The following BRIP1 variants were observed in gnomAD, a reference collection of about 807,000 sequenced individuals.
The protein encoded by BRIP1 is BRCA1 interacting DNA helicase 1.
In BRIP1, 88 loss-of-function variants were observed where a neutral mutation model predicts 119.7. The ratio of observed to expected loss-of-function variants is 0.74; its 90% CI spans 0.62 to 0.88. The LOEUF (loss-of-function observed/expected upper bound fraction) is 0.88, where lower values mean the gene tolerates loss of function less well. Ranked by LOEUF, BRIP1 falls within the 40% of genes least tolerant of loss-of-function variation. BRIP1 has a pLI of 0.00. For missense variants in BRIP1, 1,259 were observed against 1,455.4 expected (o/e 0.87, Z 2.20); for synonymous variants, 443 against 496.5 (o/e 0.89, Z 1.43).
In BRIP1 at chr17:61,738,741, A is replaced by T. The variant is rs2144639216; in HGVS notation, c.2379+4272T>A. Among the ~76,000 whole-genome samples the T allele has an allele frequency of 6.6e-6, 1 of 152,342 alleles. No individual in the cohort carries two copies. Among genetic ancestry groups the T allele is most frequent in the Non-Finnish European group, 1.5e-5 (1 of 68,032 alleles). ...CAAATGTATATTTTTAATTTTAAGA[A>T]TTTTTGGAAAATAATGAAGAATAAC... On this transcript the variant is annotated intron_variant, in intron 16 of 19. Transcript: ENST00000259008. The surrounding 1 kb of genome is among the most constrained non-coding windows in gnomAD (Gnocchi z 4.2).
chr17:61,763,464 G>T (rs2144869823), intron 14 of BRIP1, among the ~76,000 whole-genome samples: 1 of 152,146 alleles, frequency 6.6e-6, no homozygotes, highest in Admixed American at 6.6e-5. Context: ...TTTCCTTGAT[G>T]ACTTTTTTCC....
chr17:61,819,123 T>C (rs1374939807), intron 6 of BRIP1, among the ~76,000 whole-genome samples: 2 of 150,480 alleles, frequency 1.3e-5, no homozygotes, highest in Non-Finnish European at 1.5e-5. Flanking sequence ...GAGGCAGAAG[T>C]TGCAGCGAGC....
intron 10 of BRIP1, among the ~76,000 whole-genome samples, chr17:61,787,924 G>A (rs992219973): frequency 1.8e-4 from 27 of 152,258 alleles, no homozygotes; most frequent in Non-Finnish European, 3.5e-4. Context: ...GATTACAGGC[G>A]TGAGCCACTG....
In BRIP1 at chr17:61,746,464, T is replaced by C. The variant is rs541188535; in HGVS notation, c.2098-1873A>G. On this transcript the variant is annotated intron_variant, in intron 14 of 19. Coordinates refer to ENST00000259008, the MANE Select transcript of BRIP1 (RefSeq NM_032043.3). The surrounding 1 kb of genome is among the most constrained non-coding windows in gnomAD (Gnocchi z 4.9). ...AAGTGACTCACTTTAAATTTAAGGA[T>C]ACCCATAGGCTGAAAGTGAAGGGAT... 7.2e-5 allele frequency among the ~76,000 whole-genome samples: 11 copies of C among 152,236 alleles called. No individual in the cohort carries two copies. The East Asian group carries it at 1.9e-3, about 27-fold the overall frequency.
At position 61,814,624 on chromosome 17, in the gene BRIP1, G is replaced by A. The variant is rs144739085; in HGVS notation, c.628-5867C>T. ...AAGAAACTCTTATTCACTGCTGATC[G>A]AAGTATAAATTGGCACAACTACTTG... On this transcript the variant is annotated intron_variant, in intron 6 of 19. Transcript: ENST00000259008. This position sits in a 1 kb window ranked among gnomAD's most constrained non-coding sequence, Gnocchi z 4.9. 1.6e-4 allele frequency among the ~76,000 whole-genome samples: 25 copies of A among 152,074 alleles called. No homozygotes were observed. Among genetic ancestry groups the A allele is most frequent in the Non-Finnish European group, 2.7e-4 (18 of 67,916 alleles).
chr17:61,789,931 C>T lies in BRIP1; in HGVS notation c.1473+3666G>A, dbSNP rs933470629. On this transcript the variant is annotated intron_variant, in intron 10 of 19. Transcript: ENST00000259008. This position sits in a 1 kb window ranked among gnomAD's most constrained non-coding sequence, Gnocchi z 4.8. ...GTATTTTCCAGTTTTTTTCCCTTGACATACATTTTATTTGTACATTTTATA... is the reference window on the plus strand; with the variant it reads ...GTATTTTCCAGTTTTTTTCCCTTGATATACATTTTATTTGTACATTTTATA... 1.3e-5 allele frequency among the ~76,000 whole-genome samples: 2 copies of T among 152,078 alleles called. No homozygotes were observed. Among genetic ancestry groups the T allele is most frequent in the African/African-American group, 4.8e-5 (2 of 41,398 alleles).
chr17:61,723,319 A>G (rs943133741), intron 16 of BRIP1, among the ~76,000 whole-genome samples: 1 of 152,210 alleles, frequency 6.6e-6, no homozygotes, highest in African/African-American at 2.4e-5. Context: ...TTTTACTTTT[A>G]CCTGCTCATC....
rs796823076 is a variant in BRIP1 at position 61,728,325 on chromosome 17, A to AC, written c.2380-12263_2380-12262insG. Among the ~76,000 whole-genome samples, 128 of 151,718 alleles carry AC rather than the reference A, an allele frequency of 8.4e-4. 1 individual carries two copies. The highest frequency in any genetic ancestry group is 2.9e-3 in the African/African-American group (119 of 41,288). On this transcript the variant is annotated intron_variant, in intron 16 of 19. Transcript: ENST00000259008. The stretch of plus-strand genomic sequence containing the variant: ...GATTTCAATAAGTCAAAAAAAAAAA[A>AC]AAAACCCCAGACATTTCTTTTTCCC...
At position 61,861,545 on chromosome 17, in the gene BRIP1, T is replaced by G. The variant is rs1442433909; in HGVS notation, c.-6A>C. On this transcript the variant is annotated 5_prime_UTR_variant, in exon 2 of 20. Transcript: ENST00000259008. The surrounding 1 kb of genome is among the most constrained non-coding windows in gnomAD (Gnocchi z 4.5). ...TCAGACCACATTGAAGACATAGTGC[T>G]TTCCTGTTTATTTCAGATTCCTAAC... 3 of 1,596,674 alleles carry G rather than the reference T, an allele frequency of 1.9e-6. No homozygotes were observed. The highest frequency in any genetic ancestry group is 2.6e-6 in the Non-Finnish European group (3 of 1,164,502).
Position 61,755,893 on chromosome 17 carries a change from C to T in BRIP1, c.2098-11302G>A, listed in dbSNP as rs578027621. Among the ~76,000 whole-genome samples, 11 of 152,226 alleles carry T rather than the reference C, an allele frequency of 7.2e-5. No homozygotes were observed. Among genetic ancestry groups the T allele is most frequent in the African/African-American group, 2.2e-4 (9 of 41,538 alleles). On this transcript the variant is annotated intron_variant, in intron 14 of 19. Transcript: ENST00000259008. This position sits in a 1 kb window ranked among gnomAD's most constrained non-coding sequence, Gnocchi z 4.5. ...AAGTGGTATGTCCTCTGGGTCTATC[C>T]GGATTTTAGTTCGGGCAAAGAGCTA...
In BRIP1 at chr17:61,823,759, C is replaced by T. The variant is rs2078361541; in HGVS notation, c.628-15002G>A. Among the ~76,000 whole-genome samples the T allele has an allele frequency of 4.9e-5, 5 of 101,116 alleles. No homozygotes were observed. The South Asian group carries it at 2.4e-3, about 49-fold the overall frequency. 66.3% of individuals were successfully genotyped at this position (101,116 alleles called of 152,430 possible). A position where few individuals can be genotyped will look rare whatever the true frequency, so the allele number is the denominator to read the frequency against. The stretch of plus-strand genomic sequence containing the variant: ...TCAATGACCCCAAGCACACAATAAA[C>T]ACACACACACACACACACACACACA... On this transcript the variant is annotated intron_variant, in intron 6 of 19. Coordinates refer to ENST00000259008, the MANE Select transcript of BRIP1 (RefSeq NM_032043.3). This position sits in a 1 kb window ranked among gnomAD's most constrained non-coding sequence, Gnocchi z 4.8.
intron 16 of BRIP1, among the ~76,000 whole-genome samples, chr17:61,741,496 G>A (rs2076986087): frequency 6.6e-6 from 1 of 152,194 alleles, no homozygotes; most frequent in African/African-American, 2.4e-5. Flanking sequence ...AGCAGTTATA[G>A]CCTCGTGAAA....
At position 61,753,770 on chromosome 17, in the gene BRIP1, AAAGAACAACAAC is replaced by A. The variant is rs2077165086; in HGVS notation, c.2098-9191_2098-9180del. Among the ~76,000 whole-genome samples, 1 of 150,048 alleles carries A rather than the reference AAAGAACAACAAC, an allele frequency of 6.7e-6. No individual in the cohort carries two copies. The highest frequency in any genetic ancestry group is 2.5e-5 in the African/African-American group (1 of 40,792). On this transcript the variant is annotated intron_variant, in intron 14 of 19. Coordinates refer to ENST00000259008, the MANE Select transcript of BRIP1 (RefSeq NM_032043.3). The surrounding 1 kb of genome is among the most constrained non-coding windows in gnomAD (Gnocchi z 4.6). ...GTATGCACTGCCATGTCTGGCTTGA[AAAGAACAACAAC>A]AACAACAACAACAAAAAACCAGAGA...
intron 14 of BRIP1, among the ~76,000 whole-genome samples, chr17:61,749,784 C>T (rs1013576464): frequency 6.6e-6 from 1 of 152,116 alleles, no homozygotes; most frequent in Non-Finnish European, 1.5e-5. Context: ...CCTAAGTGTT[C>T]TATTTGTTTT....
intron 17 of BRIP1, among the ~76,000 whole-genome samples, chr17:61,694,033 T>C (rs1008147873): frequency 6.6e-6 from 1 of 152,148 alleles, no homozygotes; most frequent in Non-Finnish European, 1.5e-5. Flanking sequence ...TGTATTATTC[T>C]TTTTATAGAT....
intron 7 of BRIP1, 119 bp from the exon 8 acceptor site, chr17:61,801,593 T>A (rs1387063487): frequency 4.2e-6 from 4 of 949,372 alleles, no homozygotes; most frequent in Non-Finnish European, 6.6e-6. Context: ...TTTTACTGGC[T>A]ACGCCACCAC....
rs2076823503 is a variant in BRIP1, at chr17:61,730,040, A to G, written c.2379+12973T>C. On this transcript the variant is annotated intron_variant, in intron 16 of 19. Coordinates refer to ENST00000259008, the MANE Select transcript of BRIP1 (RefSeq NM_032043.3). The surrounding 1 kb of genome is among the most constrained non-coding windows in gnomAD (Gnocchi z 4.3). Reference sequence around the variant, plus strand: ...TAATTTCAAGTCACAAATCTGGTATACTTGATGCAGTAGGAAAATACACTG... The same window carrying G: ...TAATTTCAAGTCACAAATCTGGTATGCTTGATGCAGTAGGAAAATACACTG... Among the ~76,000 whole-genome samples, 1 of 152,218 alleles carries G rather than the reference A, an allele frequency of 6.6e-6. No homozygotes were observed. The highest frequency in any genetic ancestry group is 2.4e-5 in the African/African-American group (1 of 41,468).
intron 17 of BRIP1, among the ~76,000 whole-genome samples, chr17:61,707,692 T>C (rs2061711273): frequency 6.6e-6 from 1 of 152,148 alleles, no homozygotes; most frequent in Admixed American, 6.5e-5. Flanking sequence ...TTTGTTCTTG[T>C]TTCATGGAGG....
rs754852983 is a variant in BRIP1 at position 61,834,716 on chromosome 17, G to C, written c.627+12385C>G. Reference sequence around the variant, plus strand: ...GTTCTCTTGCTGCTCTTGGAACCCTGAGGCCACCATATACATAAACCAGAA... The same window carrying C: ...GTTCTCTTGCTGCTCTTGGAACCCTCAGGCCACCATATACATAAACCAGAA... On this transcript the variant is annotated intron_variant, in intron 6 of 19. Transcript: ENST00000259008. The surrounding 1 kb of genome is among the most constrained non-coding windows in gnomAD (Gnocchi z 4.4). 7.1e-4 allele frequency among the ~76,000 whole-genome samples: 108 copies of C among 152,086 alleles called. No individual in the cohort carries two copies. The highest frequency in any genetic ancestry group is 9.7e-4 in the Non-Finnish European group (66 of 68,028).
Sources: allele counts gnomAD v4.1 joint callset (sites outside exome capture counted in the v4.1 genomes callset), GRCh38; gene constraint gnomAD v4.1.1; non-coding constraint Gnocchi (gnomAD v3.1); transcripts MANE v1.5; gene names NCBI Gene and HGNC (gene_info 2026-07-23, HGNC 2026-07-21).